Variants in PRKACA observed in about 807,000 individuals in gnomAD.
PRKACA encodes protein kinase cAMP-activated catalytic subunit alpha.
PRKACA carries 9 observed loss-of-function variants against 45.8 expected under a neutral mutation model. The ratio of observed to expected loss-of-function variants is 0.20; its 90% CI spans 0.12 to 0.34. The LOEUF (loss-of-function observed/expected upper bound fraction) is 0.34. Among genes scored for constraint, PRKACA ranks in the 10% least tolerant of loss-of-function variants. The probability of loss-of-function intolerance (pLI) is 1.00; values close to 1 mark genes in which losing one functional copy is unlikely to be tolerated. For synonymous variants in PRKACA, 160 were observed against 178.6 expected (o/e 0.90, Z 0.83); for missense variants, 238 against 458.6 (o/e 0.52, Z 4.39).
At chr19:14,101,111 C>T (rs1346306112) in intron 4 of PRKACA, 2 of 557,710 alleles carry the variant, frequency 3.6e-6, no homozygotes, top group Non-Finnish European at 6.5e-6. Context: ...TATGTCAGGA[C>T]CTGGTTAGCC....
chr19:14,098,684 C>T (rs183730246), intron 5 of PRKACA, among the ~76,000 whole-genome samples: 22 of 150,866 alleles, frequency 1.5e-4, no homozygotes, highest in Non-Finnish European at 2.5e-4. Flanking sequence ...TTAGTAGAGA[C>T]GGGGTTTCAC....
intron 8 of PRKACA, among the ~76,000 whole-genome samples, chr19:14,094,704 AGCT>A (rs879416748): frequency 6.6e-6 from 1 of 152,162 alleles, no homozygotes; most frequent in African/African-American, 2.4e-5. Context: ...TTGCATTCTC[AGCT>A]GCTGCTGCTG....
Position 14,093,802 on chromosome 19 carries a change from G to A in PRKACA, c.766-10C>T. On this transcript the variant is annotated splice_polypyrimidine_tract_variant and intron_variant, in intron 8 of 9. Transcript: ENST00000308677. ...GGGAAGGGAAGCGCACCTGGAGGAAGGGGTACAAGGACAGGGTGGGAAGCT... is the reference window on the plus strand; with the variant it reads ...GGGAAGGGAAGCGCACCTGGAGGAAAGGGTACAAGGACAGGGTGGGAAGCT... 1 of 1,609,262 alleles carries A rather than the reference G, an allele frequency of 6.2e-7. No homozygotes were observed. Among genetic ancestry groups the A allele is most frequent in the East Asian group, 2.2e-5 (1 of 44,860 alleles).
At chr19:14,105,442 T>G (rs916954583) in intron 3 of PRKACA, among the ~76,000 whole-genome samples, 1 of 149,518 alleles carries the variant, frequency 6.7e-6, no homozygotes, top group African/African-American at 2.5e-5. Flanking sequence ...ACCTGGGAGG[T>G]GGAGGTTGCA....
intron 5 of PRKACA, among the ~76,000 whole-genome samples, chr19:14,100,364 C>T (rs928178375): frequency 5.3e-5 from 8 of 151,990 alleles, no homozygotes; most frequent in Non-Finnish European, 1.2e-4. Flanking sequence ...GTGGTGTGAT[C>T]TTGGCTCACT....
In PRKACA at chr19:14,116,008, T is replaced by C. The variant is rs41301242; in HGVS notation, c.46+1494A>G. ...CCACCCATTGGTGACATGTCAGGCCTCTTCATGATCGCTCTGTGACTCTGA... is the reference window on the plus strand; with the variant it reads ...CCACCCATTGGTGACATGTCAGGCCCCTTCATGATCGCTCTGTGACTCTGA... On this transcript the variant is annotated intron_variant, in intron 1 of 9. Coordinates refer to ENST00000308677, the MANE Select transcript of PRKACA (RefSeq NM_002730.4). Among the ~76,000 whole-genome samples, 1,095 of 152,260 alleles carry C rather than the reference T, an allele frequency of 7.2e-3. 20 individuals carry two copies. The highest frequency in any genetic ancestry group is 0.025 in the African/African-American group (1,054 of 41,556).
In PRKACA at chr19:14,102,861, T is replaced by C. The variant is rs371232485; in HGVS notation, c.291A>G (p.Gln97=). The change falls in exon 4 of 10, where the codon CAA becomes CAG. Residue 97 remains glutamine, a synonymous_variant. Transcript: ENST00000308677. ...TGACGAGGAACGGAAAGTTGACAGC[T>C]TGCAGGATGCGCTTTTCATTCAGGG... ...EHTLNEKRIL[Q]AVNFPFLVKL... 68 of 1,614,068 alleles carry C rather than the reference T, an allele frequency of 4.2e-5. No individual in the cohort carries two copies. Among genetic ancestry groups the C allele is most frequent in the Non-Finnish European group, 5.5e-5 (65 of 1,180,040 alleles).
chr19:14,099,589 C>CTT (rs1201287283), intron 5 of PRKACA, among the ~76,000 whole-genome samples: 3 of 132,630 alleles, frequency 2.3e-5, no homozygotes, highest in Admixed American at 7.7e-5. Context: ...CCACACCTGA[C>CTT]TTTTTTTTTT....
chr19:14,107,019 A>G (rs1977633334), intron 2 of PRKACA, 131 bp from the exon 3 acceptor site: 6 of 1,202,550 alleles, frequency 5.0e-6, no homozygotes, highest in Non-Finnish European at 1.2e-6. Context: ...GGGTGAGGAC[A>G]GGGGGCGGAA....
chr19:14,115,209 T>C (rs1221530091), intron 1 of PRKACA: 2 of 690,244 alleles, frequency 2.9e-6, no homozygotes, highest in Non-Finnish European at 1.8e-6. Context: ...TTTATCTAGT[T>C]ACACTGTATT....
At chr19:14,102,964 C>T in intron 3 of PRKACA, 50 bp from the exon 4 acceptor site, 1 of 1,382,502 alleles carries the variant, frequency 7.2e-7, no homozygotes, top group Non-Finnish European at 1.0e-6. Context: ...GTGAGAGGGG[C>T]CTCATTTCCC....
intron 8 of PRKACA, among the ~76,000 whole-genome samples, chr19:14,094,370 G>C (rs1977185437): frequency 6.6e-6 from 1 of 152,080 alleles, no homozygotes; most frequent in African/African-American, 2.4e-5. Flanking sequence ...TGTATTTTTA[G>C]TAGAGACGGG....
At chr19:14,111,190 G>A (rs1279711068) in intron 1 of PRKACA, among the ~76,000 whole-genome samples, 1 of 152,208 alleles carries the variant, frequency 6.6e-6, no homozygotes, top group Non-Finnish European at 1.5e-5. Flanking sequence ...CTGAGGTTGG[G>A]AGTTTGAGAC....
intron 8 of PRKACA, chr19:14,096,724 A>G (rs1342383457): frequency 6.1e-6 from 1 of 164,838 alleles, no homozygotes; most frequent in Non-Finnish European, 1.3e-5. Context: ...CCTACTCACC[A>G]AAGTGTGATC....
At chr19:14,095,325 C>A (rs554891829) in intron 8 of PRKACA, among the ~76,000 whole-genome samples, 1 of 152,032 alleles carries the variant, frequency 6.6e-6, no homozygotes, top group African/African-American at 2.4e-5. Flanking sequence ...TGTGTGCCAC[C>A]ATATCCGGCT....
chr19:14,109,659 C>T (rs1005173571), intron 1 of PRKACA, among the ~76,000 whole-genome samples: 3 of 149,838 alleles, frequency 2.0e-5, no homozygotes, highest in African/African-American at 4.9e-5. Flanking sequence ...GGGGAGCGAT[C>T]GGGCATGGTG....
chr19:14,113,565 G>A (rs1361747844), intron 1 of PRKACA, among the ~76,000 whole-genome samples: 1 of 152,184 alleles, frequency 6.6e-6, no homozygotes, highest in Non-Finnish European at 1.5e-5. Context: ...TGGGCAAGGG[G>A]CTTGGGGTCT....
intron 2 of PRKACA, 51 bp downstream of exon 2, chr19:14,107,297 C>A (rs1239664058): frequency 1.6e-5 from 24 of 1,544,140 alleles, no homozygotes; most frequent in Non-Finnish European, 2.1e-5. Flanking sequence ...CAGCCAGGGG[C>A]TGGGGGTTAG....
intron 2 of PRKACA, 53 bp downstream of exon 2, chr19:14,107,295 G>C (rs1977641432): frequency 1.3e-6 from 2 of 1,539,698 alleles, no homozygotes; most frequent in Admixed American, 1.7e-5. Flanking sequence ...CACAGCCAGG[G>C]GCTGGGGGTT....
Sources: allele counts gnomAD v4.1 joint callset (sites outside exome capture counted in the v4.1 genomes callset), GRCh38; gene constraint gnomAD v4.1.1; transcripts MANE v1.5; gene names NCBI Gene and HGNC (gene_info 2026-07-23, HGNC 2026-07-21).